The following ZBTB46 variants were observed in gnomAD, a reference collection of about 807,000 sequenced individuals.
ZBTB46 encodes zinc finger and BTB domain containing 46, also known as zinc finger and BTB domain-containing protein 46.
Under a neutral mutation model 44.1 loss-of-function variants are expected in ZBTB46, and 8 were observed. The observed-to-expected ratio is 0.18, with a 90% CI of 0.11 to 0.33. The LOEUF (loss-of-function observed/expected upper bound fraction) is 0.33, where lower values mean the gene tolerates loss of function less well. Among genes scored for constraint, ZBTB46 ranks in the 10% least tolerant of loss-of-function variants. ZBTB46 has a pLI of 1.00. For synonymous variants in ZBTB46, 409 were observed against 382.3 expected (o/e 1.07, Z -0.81); for missense variants, 651 against 847.7 (o/e 0.77, Z 2.88).
intron 3 of ZBTB46, among the ~76,000 whole-genome samples, chr20:63,765,510 C>T (rs1208280213): frequency 1.3e-5 from 2 of 152,250 alleles, no homozygotes; most frequent in Non-Finnish European, 2.9e-5. Context: ...CTCACTGCAG[C>T]CTCGACCTGC....
At chr20:63,784,618 C>T (rs1034381001) in intron 2 of ZBTB46, among the ~76,000 whole-genome samples, 22 of 152,230 alleles carry the variant, frequency 1.4e-4, no homozygotes, top group African/African-American at 4.8e-4. Flanking sequence ...GTGCTCCCTC[C>T]GCAGATGAGA....
Position 63,787,465 on chromosome 20 carries a change from C to T in ZBTB46, c.937+2356G>A, listed in dbSNP as rs1213768812. 6.6e-6 allele frequency among the ~76,000 whole-genome samples: 1 copy of T among 152,212 alleles called. No individual in the cohort carries two copies. The highest frequency in any genetic ancestry group is 1.5e-5 in the Non-Finnish European group (1 of 68,030). ...CAGCAAGCTCTGTGCATGGCAGGGGCCCTACCCAGGCATGCCGTTATCTTG... is the reference window on the plus strand; with the variant it reads ...CAGCAAGCTCTGTGCATGGCAGGGGTCCTACCCAGGCATGCCGTTATCTTG... On this transcript the variant is annotated intron_variant, in intron 2 of 4. Coordinates refer to ENST00000245663, the MANE Select transcript of ZBTB46 (RefSeq NM_001369741.1). The surrounding 1 kb of genome is among the most constrained non-coding windows in gnomAD (Gnocchi z 4.6).
chr20:63,764,057 C>T (rs1271673678), intron 3 of ZBTB46, among the ~76,000 whole-genome samples: 1 of 152,024 alleles, frequency 6.6e-6, no homozygotes, highest in Non-Finnish European at 1.5e-5. Flanking sequence ...CAGCCTCGAC[C>T]TCCTGGGCTC....
At position 63,790,978 on chromosome 20, in the gene ZBTB46, C is replaced by T. The variant is rs113009365; in HGVS notation, c.-33-188G>A. On this transcript the variant is annotated intron_variant, in intron 1 of 4. Transcript: ENST00000245663. ...CCGCCTGAAGCAGGGCAGCAAACAC[C>T]GGAGGGCACCAGTGCGTCCAGGGTG... 14 of 759,456 alleles carry T rather than the reference C, an allele frequency of 1.8e-5. No homozygotes were observed. The East Asian group carries it at 2.0e-4, about 11-fold the overall frequency. The allele number at this position is 759,456 out of a possible 1,614,324, so 47.0% of individuals were successfully genotyped here. A position where few individuals can be genotyped will look rare whatever the true frequency, so the allele number is the denominator to read the frequency against.
chr20:63,796,906 A>T (rs966149412), intron 1 of ZBTB46, among the ~76,000 whole-genome samples: 2 of 152,160 alleles, frequency 1.3e-5, no homozygotes, highest in Admixed American at 1.3e-4. Context: ...ACGGTGGCTC[A>T]GGCCTATAAT....
At chr20:63,815,512 G>A (rs1321539574) in intron 1 of ZBTB46, among the ~76,000 whole-genome samples, 1 of 148,188 alleles carries the variant, frequency 6.7e-6, no homozygotes, top group East Asian at 2.0e-4. Context: ...GGTGCAGTGA[G>A]TGCAGGTGCA....
At chr20:63,789,261 T>TC (rs1012903939) in intron 2 of ZBTB46, among the ~76,000 whole-genome samples, 1 of 152,020 alleles carries the variant, frequency 6.6e-6, no homozygotes, top group Non-Finnish European at 1.5e-5. Flanking sequence ...ACCTCTCAGG[T>TC]CCCCAGGTCA....
chr20:63,774,865 G>A (rs1282837673), intron 3 of ZBTB46, among the ~76,000 whole-genome samples: 1 of 151,772 alleles, frequency 6.6e-6, no homozygotes, highest in Non-Finnish European at 1.5e-5. Flanking sequence ...CACCACGCCC[G>A]GCTAATTTTT....
chr20:63,828,780 C>T (rs1038634258), intron 1 of ZBTB46, among the ~76,000 whole-genome samples: 3 of 152,238 alleles, frequency 2.0e-5, no homozygotes, highest in African/African-American at 7.2e-5. Context: ...GGGCACCAGT[C>T]ACGGCAGTGG....
At chr20:63,792,042 T>C (rs2092565203) in intron 1 of ZBTB46, among the ~76,000 whole-genome samples, 1 of 152,220 alleles carries the variant, frequency 6.6e-6, no homozygotes, top group Non-Finnish European at 1.5e-5. Context: ...TCAACACGGC[T>C]TCTCCCGGTG....
chr20:63,823,212 C>T (rs1357032909), intron 1 of ZBTB46, among the ~76,000 whole-genome samples: 1 of 151,076 alleles, frequency 6.6e-6, no homozygotes, highest in Admixed American at 6.6e-5. Context: ...AACAAAAGGC[C>T]AGGCACAGTG....
At chr20:63,769,524 G>A in intron 3 of ZBTB46, 2 of 855,456 alleles carry the variant, frequency 2.3e-6, no homozygotes, top group Non-Finnish European at 2.8e-6. Flanking sequence ...CTGGAGGCAG[G>A]TGTTTGAACG....
At chr20:63,768,715 G>A (rs754072721) in intron 3 of ZBTB46, among the ~76,000 whole-genome samples, 2 of 152,128 alleles carry the variant, frequency 1.3e-5, no homozygotes, top group Non-Finnish European at 2.9e-5. Context: ...CGCGACTTCA[G>A]GCACAGGAAG....
At chr20:63,802,324 G>A (rs1441612409) in intron 1 of ZBTB46, among the ~76,000 whole-genome samples, 1 of 152,072 alleles carries the variant, frequency 6.6e-6, no homozygotes, top group Non-Finnish European at 1.5e-5. Context: ...TCAGGAGGCT[G>A]AGGCACAAGA....
intron 1 of ZBTB46, chr20:63,816,245 G>T: frequency 4.5e-6 from 1 of 224,344 alleles, no homozygotes; most frequent in South Asian, 4.4e-5. Flanking sequence ...GTCCTGCTTC[G>T]GATTGGGAGG....
intron 1 of ZBTB46, among the ~76,000 whole-genome samples, chr20:63,799,447 A>G (rs1169299641): frequency 6.6e-6 from 1 of 151,970 alleles, no homozygotes; most frequent in Non-Finnish European, 1.5e-5. Flanking sequence ...CCTGGGTTCA[A>G]GCGATTCTTG....
rs1209420114 is a variant in ZBTB46 at position 63,744,087 on chromosome 20, C to T, written c.*2843G>A. 2 of 152,310 alleles carry T rather than the reference C, an allele frequency of 1.3e-5. No homozygotes were observed. The highest frequency in any genetic ancestry group is 2.1e-4 in the South Asian group (1 of 4,820). The allele number at this position is 152,310 out of a possible 1,614,324, so 9.4% of individuals were successfully genotyped here. A position where few individuals can be genotyped will look rare whatever the true frequency, so the allele number is the denominator to read the frequency against. On this transcript the variant is annotated 3_prime_UTR_variant, in exon 5 of 5. Coordinates refer to ENST00000245663, the MANE Select transcript of ZBTB46 (RefSeq NM_001369741.1). ...CTCACTACAAGTAGTTCTAAAAGGG[C>T]TGCATACAAAACACAATATAAGATC... is the stretch of plus-strand genomic sequence containing the variant.
rs1417539074 is a variant in ZBTB46, at chr20:63,746,797, G to A, written c.*133C>T. The A allele has an allele frequency of 3.7e-6, 5 of 1,337,636 alleles. No individual in the cohort carries two copies. The African/African-American group carries it at 6.1e-5, about 16-fold the overall frequency. The allele number at this position is 1,337,636 out of a possible 1,614,324, so 82.9% of individuals were successfully genotyped here. A position where few individuals can be genotyped will look rare whatever the true frequency, so the allele number is the denominator to read the frequency against. ...GCCCGCAGGGCTGGTTTCCGTGGGG[G>A]GTGGGTTCAGGGGGAAGCAGAGGAG... On this transcript the variant is annotated 3_prime_UTR_variant, in exon 5 of 5. Transcript: ENST00000245663.
intron 1 of ZBTB46, among the ~76,000 whole-genome samples, chr20:63,830,379 C>CCTCCGCGCGCCCCGTCCG (rs1400366403): frequency 6.6e-6 from 1 of 151,560 alleles, no homozygotes; most frequent in Admixed American, 6.6e-5. Context: ...GACCCCGCTT[C>CCTCCGCGCGCCCCGTCCG]CTCCGCGCGC....
Sources: allele counts gnomAD v4.1 joint callset (sites outside exome capture counted in the v4.1 genomes callset), GRCh38; gene constraint gnomAD v4.1.1; non-coding constraint Gnocchi (gnomAD v3.1); transcripts MANE v1.5; gene names NCBI Gene and HGNC (gene_info 2026-07-23, HGNC 2026-07-21).